The following PSD3 variants were observed in gnomAD, a reference collection of about 807,000 sequenced individuals.
The protein encoded by PSD3 is pleckstrin and Sec7 domain containing 3.
Under a neutral mutation model 105.5 loss-of-function variants are expected in PSD3, and 49 were observed. That is an observed-to-expected ratio of 0.46 (90% CI 0.37 to 0.59). The LOEUF (loss-of-function observed/expected upper bound fraction) is 0.59. Ranked by LOEUF, PSD3 falls within the 20% of genes least tolerant of loss-of-function variation. The probability of loss-of-function intolerance (pLI) is 0.00; values close to 1 mark genes in which losing one functional copy is unlikely to be tolerated. For missense variants in PSD3, 1,561 were observed against 1,263.8 expected (o/e 1.24, Z -3.57); for synonymous variants, 557 against 457.8 (o/e 1.22, Z -2.77).
intron 4 of PSD3, among the ~76,000 whole-genome samples, chr8:18,819,363 G>A (rs746369045): frequency 6.6e-5 from 10 of 152,072 alleles, no homozygotes; most frequent in Non-Finnish European, 1.2e-4. Context: ...CAGATCATGA[G>A]CCTTCATGAA....
At chr8:18,789,717 T>C (rs982700883) in intron 8 of PSD3, among the ~76,000 whole-genome samples, 3 of 152,154 alleles carry the variant, frequency 2.0e-5, no homozygotes, top group Admixed American at 1.3e-4. Context: ...TTTAACTTGA[T>C]TGCTGTAGCA....
rs114766728 is a variant in PSD3, at chr8:18,584,584, C to T, written c.2482-9299G>A. Among the ~76,000 whole-genome samples the T allele has an allele frequency of 2.9e-3, 441 of 152,318 alleles. 1 individual carries two copies. Among genetic ancestry groups the T allele is most frequent in the African/African-American group, 1.0e-2 (414 of 41,566 alleles). ...AAGAAGTAACCTACAACCTATTATACTAACAAACCAGTCTCATTTCTGGCT... is the reference window on the plus strand; with the variant it reads ...AAGAAGTAACCTACAACCTATTATATTAACAAACCAGTCTCATTTCTGGCT... On this transcript the variant is annotated intron_variant, in intron 12 of 15. Transcript: ENST00000327040.
intron 9 of PSD3, among the ~76,000 whole-genome samples, chr8:18,676,352 C>A (rs919855404): frequency 6.6e-6 from 1 of 152,176 alleles, no homozygotes; most frequent in Non-Finnish European, 1.5e-5. Context: ...GATGACACAA[C>A]AGGAGTGGGA....
At chr8:18,568,361 T>G (rs1346893568) in intron 14 of PSD3, among the ~76,000 whole-genome samples, 1 of 152,140 alleles carries the variant, frequency 6.6e-6, no homozygotes. Context: ...GCTTATCAAG[T>G]GCCTTAGTCT....
intron 1 of PSD3, among the ~76,000 whole-genome samples, chr8:18,973,792 T>G (rs1824781593): frequency 6.6e-6 from 1 of 152,238 alleles, no homozygotes; most frequent in South Asian, 2.1e-4. Context: ...TTTAAGCTTC[T>G]TTCATTCTGC....
chr8:18,919,515 C>A (rs772518497), intron 2 of PSD3, among the ~76,000 whole-genome samples: 1 of 151,836 alleles, frequency 6.6e-6, no homozygotes, highest in Non-Finnish European at 1.5e-5. Context: ...GTTCAAGAAT[C>A]TGAATTTTTA....
At chr8:18,951,828 T>C (rs1823253818) in intron 1 of PSD3, among the ~76,000 whole-genome samples, 1 of 151,760 alleles carries the variant, frequency 6.6e-6, no homozygotes, top group Non-Finnish European at 1.5e-5. Flanking sequence ...CCACTAAAAA[T>C]ACAAAAAATT....
At chr8:18,827,091 G>GTTAC (rs1374247672) in intron 4 of PSD3, among the ~76,000 whole-genome samples, 3 of 152,152 alleles carry the variant, frequency 2.0e-5, no homozygotes, top group African/African-American at 7.2e-5. Context: ...CAGTTACCAA[G>GTTAC]CATGCATCCA....
intron 1 of PSD3, among the ~76,000 whole-genome samples, chr8:19,031,704 A>G (rs1025842906): frequency 5.3e-5 from 8 of 152,192 alleles, no homozygotes; most frequent in African/African-American, 1.7e-4. Flanking sequence ...GCTGGGTGCT[A>G]CTTGGGAGGA....
At chr8:18,872,764 T>C in intron 2 of PSD3, 31 bp from the exon 3 acceptor site, 1 of 1,512,062 alleles carries the variant, frequency 6.6e-7, no homozygotes, top group Non-Finnish European at 8.9e-7. Flanking sequence ...ACATATGACT[T>C]GTTGTAGAAA....
At chr8:18,775,628 C>A (rs1298452347) in intron 8 of PSD3, among the ~76,000 whole-genome samples, 1 of 152,130 alleles carries the variant, frequency 6.6e-6, no homozygotes, top group East Asian at 1.9e-4. Context: ...ATTTCTATGT[C>A]TTCTTTTGAG....
rs190508427 is a variant in PSD3, at chr8:18,635,229, A to C, written c.2217-2423T>G. 1.2e-4 allele frequency among the ~76,000 whole-genome samples: 18 copies of C among 152,152 alleles called. No individual in the cohort carries two copies. In the East Asian group the frequency reaches 3.5e-3, roughly 29 times the overall value. On this transcript the variant is annotated intron_variant, in intron 10 of 15. Transcript: ENST00000327040. ...CCACAGAACGCCAAGCTCATCTTAA[A>C]TTTTCCTTGTCCTGGCCCTGAAATC...
chr8:19,037,775 T>C (rs1431461176), intron 1 of PSD3, among the ~76,000 whole-genome samples: 2 of 152,034 alleles, frequency 1.3e-5, no homozygotes, highest in Non-Finnish European at 2.9e-5. Flanking sequence ...TCTCAGACCT[T>C]CGGACTTGGA....
At chr8:18,757,281 T>C (rs1051400924) in intron 9 of PSD3, among the ~76,000 whole-genome samples, 1 of 150,220 alleles carries the variant, frequency 6.7e-6, no homozygotes, top group African/African-American at 2.4e-5. Flanking sequence ...GGTAAAACCC[T>C]GTCTCTACCA....
At chr8:18,776,594 T>C (rs989907944) in intron 8 of PSD3, among the ~76,000 whole-genome samples, 1 of 151,988 alleles carries the variant, frequency 6.6e-6, no homozygotes, top group Non-Finnish European at 1.5e-5. Context: ...GCCAGGCTGG[T>C]CTCGAACTTC....
intron 9 of PSD3, chr8:18,762,822 T>C (rs745688161): frequency 5.7e-5 from 41 of 720,846 alleles, no homozygotes; most frequent in Middle Eastern, 7.2e-4. Context: ...CATTTAAATA[T>C]GTCAAGGTCT....
intron 10 of PSD3, among the ~76,000 whole-genome samples, chr8:18,633,919 G>A (rs1461300222): frequency 6.6e-6 from 1 of 151,960 alleles, no homozygotes; most frequent in Non-Finnish European, 1.5e-5. Flanking sequence ...CAGCCCCACT[G>A]GCATCTGTTA....
At chr8:18,722,259 C>T (rs1803034244) in intron 9 of PSD3, among the ~76,000 whole-genome samples, 2 of 152,110 alleles carry the variant, frequency 1.3e-5, no homozygotes, top group Non-Finnish European at 2.9e-5. Flanking sequence ...GATTCCCTAA[C>T]TAGACAAGAA....
At chr8:18,670,863 G>A (rs1262231331) in intron 9 of PSD3, among the ~76,000 whole-genome samples, 3 of 152,084 alleles carry the variant, frequency 2.0e-5, no homozygotes, top group African/African-American at 7.2e-5. Context: ...ACAGCAACTC[G>A]GGGAGCAGGG....
Sources: gnomAD v4.1 joint callset for allele counts (sites outside exome capture counted in the v4.1 genomes callset) on GRCh38, gnomAD v4.1.1 for gene constraint, MANE v1.5 for transcripts, NCBI Gene and HGNC (gene_info 2026-07-23, HGNC 2026-07-21) for gene names.